Variants in CPEB3 observed in about 807,000 individuals in gnomAD.
The protein encoded by CPEB3 is cytoplasmic polyadenylation element-binding protein 3.
CPEB3 carries 20 observed loss-of-function variants against 67.2 expected under a neutral mutation model. The ratio of observed to expected loss-of-function variants is 0.30; its 90% CI spans 0.21 to 0.43. The LOEUF is 0.43. Among genes scored for constraint, CPEB3 ranks in the 20% least tolerant of loss-of-function variants. The probability of loss-of-function intolerance (pLI) is 1.00; values close to 1 mark genes in which losing one functional copy is unlikely to be tolerated. For missense variants in CPEB3, 746 were observed against 968.6 expected, an observed-to-expected ratio of 0.77 and a Z score of 3.05; for synonymous variants, 376 against 393.1, an observed-to-expected ratio of 0.96 and a Z score of 0.51.
intron 6 of CPEB3, chr10:92,118,676 C>T: frequency 2.9e-6 from 2 of 678,688 alleles, no homozygotes; most frequent in Non-Finnish European, 5.5e-6. Flanking sequence ...CTTGCTGAGA[C>T]ATGTTGGTCG....
chr10:92,279,284 C>T (rs1013838917), intron 1 of CPEB3, among the ~76,000 whole-genome samples: 1 of 152,190 alleles, frequency 6.6e-6, no homozygotes, highest in African/African-American at 2.4e-5. Context: ...GATCAGTGAA[C>T]ACCCTGGCTT....
At chr10:92,120,098 C>CAAGCA (rs1845271733) in intron 6 of CPEB3, among the ~76,000 whole-genome samples, 8 of 45,246 alleles carry the variant, frequency 1.8e-4, no homozygotes, top group African/African-American at 2.6e-4. Flanking sequence ...ACTAAAAATA[C>CAAGCA]AAAAAAAAAA....
rs911999133 is a variant in CPEB3 at position 92,050,169 on chromosome 10, T to G, written c.*2043A>C. 4.0e-5 allele frequency: 6 copies of G among 149,664 alleles called. No homozygotes were observed. Among genetic ancestry groups the G allele is most frequent in the African/African-American group, 1.5e-4 (6 of 40,548 alleles). 9.3% of individuals were successfully genotyped at this position (149,664 alleles called of 1,614,324 possible). ...ACAGATGAAAAAAAACCCACAAACATAGAAAAAAACAAACAAAACCACACC... is the reference window on the plus strand; with the variant it reads ...ACAGATGAAAAAAAACCCACAAACAGAGAAAAAAACAAACAAAACCACACC... On this transcript the variant is annotated 3_prime_UTR_variant, in exon 10 of 10. Coordinates refer to ENST00000265997, the MANE Select transcript of CPEB3 (RefSeq NM_014912.5).
intron 9 of CPEB3, among the ~76,000 whole-genome samples, chr10:92,058,359 A>G (rs61875184): frequency 0.092 from 14,034 of 152,176 alleles, 907 homozygotes; most frequent in Non-Finnish European, 0.13. Flanking sequence ...TAGCCTGGCC[A>G]ACATGGCAAA....
At chr10:92,138,541 T>G (rs1025425561) in intron 6 of CPEB3, among the ~76,000 whole-genome samples, 6 of 148,806 alleles carry the variant, frequency 4.0e-5, no homozygotes, top group Non-Finnish European at 5.9e-5. Flanking sequence ...GTGAAAGATC[T>G]GAATAGGCAT....
At chr10:92,082,642 G>C (rs904521887) in intron 8 of CPEB3, among the ~76,000 whole-genome samples, 3 of 152,090 alleles carry the variant, frequency 2.0e-5, no homozygotes, top group Non-Finnish European at 4.4e-5. Context: ...AAAACATGTA[G>C]CACTTACCTG....
intron 1 of CPEB3, among the ~76,000 whole-genome samples, chr10:92,265,846 C>G (rs1322322636): frequency 6.6e-6 from 1 of 150,720 alleles, no homozygotes; most frequent in Non-Finnish European, 1.5e-5. Flanking sequence ...TTGTGTCCTC[C>G]AAAAGTCATT....
chr10:92,165,905 A>G lies in CPEB3; in HGVS notation c.1222+15058T>C, dbSNP rs554842598. On this transcript the variant is annotated intron_variant, in intron 4 of 9. Coordinates refer to ENST00000265997, the MANE Select transcript of CPEB3 (RefSeq NM_014912.5). ...GTGACTTTCTCTACTGACGTTTTGA[A>G]CCCCTCAAAGTTGTCCATGAGGAAT... is the stretch of plus-strand genomic sequence containing the variant. Among the ~76,000 whole-genome samples, 7 of 152,130 alleles carry G rather than the reference A, an allele frequency of 4.6e-5. No individual in the cohort carries two copies. In the East Asian group the frequency reaches 7.7e-4, roughly 17 times the overall value.
chr10:92,152,644 T>C (rs1404804920), intron 4 of CPEB3, among the ~76,000 whole-genome samples: 1 of 152,178 alleles, frequency 6.6e-6, no homozygotes, highest in Non-Finnish European at 1.5e-5. Context: ...GATATATTGG[T>C]GTTCATTAAA....
intron 2 of CPEB3, among the ~76,000 whole-genome samples, chr10:92,220,101 G>A (rs1250588259): frequency 1.3e-5 from 2 of 152,102 alleles, no homozygotes; most frequent in East Asian, 3.9e-4. Context: ...GTTGCGGTGA[G>A]CGGAGATTGG....
rs1362051715 is a variant in CPEB3, at chr10:92,051,965, C to T, written c.*247G>A. The T allele has an allele frequency of 2.5e-6, 1 of 404,644 alleles. No homozygotes were observed. The highest frequency in any genetic ancestry group is 4.4e-6 in the Non-Finnish European group (1 of 225,998). 25.1% of individuals were successfully genotyped at this position (404,644 alleles called of 1,614,324 possible). A position where few individuals can be genotyped will look rare whatever the true frequency, so the allele number is the denominator to read the frequency against. On this transcript the variant is annotated 3_prime_UTR_variant, in exon 10 of 10. Coordinates refer to ENST00000265997, the MANE Select transcript of CPEB3 (RefSeq NM_014912.5). ...AGGTATAAAAAATTAAGGTACCAAG[C>T]AGACAAAGGTGTGAATCAAAGTGCA...
At chr10:92,282,413 G>C (rs1260876145) in intron 1 of CPEB3, among the ~76,000 whole-genome samples, 6 of 152,220 alleles carry the variant, frequency 3.9e-5, no homozygotes, top group Non-Finnish European at 8.8e-5. Flanking sequence ...CTGTAGGCCA[G>C]GTGCAGTGGC....
intron 2 of CPEB3, among the ~76,000 whole-genome samples, chr10:92,197,604 T>C (rs1849303173): frequency 6.6e-6 from 1 of 152,176 alleles, no homozygotes; most frequent in Non-Finnish European, 1.5e-5. Context: ...TATTGACTCT[T>C]TTTCTTTGAA....
chr10:92,264,427 G>A lies in CPEB3; in HGVS notation c.-11-24066C>T, dbSNP rs569210993. On this transcript the variant is annotated intron_variant, in intron 1 of 9. Coordinates refer to ENST00000265997, the MANE Select transcript of CPEB3 (RefSeq NM_014912.5). ...TCTATTTTTATTCCAAGGCTTAACT[G>A]TTATCCCTCACCAACTGCCACACCC... Among the ~76,000 whole-genome samples the A allele has an allele frequency of 5.8e-4, 88 of 152,194 alleles. No homozygotes were observed. In the Middle Eastern group the frequency reaches 0.01, roughly 18 times the overall value.
chr10:92,229,331 G>A (rs948498553), intron 2 of CPEB3, among the ~76,000 whole-genome samples: 1 of 152,090 alleles, frequency 6.6e-6, no homozygotes, highest in Non-Finnish European at 1.5e-5. Flanking sequence ...GCCACACCCA[G>A]CCTTCTCCTT....
intron 5 of CPEB3, 79 bp from the exon 6 acceptor site, chr10:92,143,197 T>C (rs1846522032): frequency 9.3e-7 from 1 of 1,076,194 alleles, no homozygotes; most frequent in Non-Finnish European, 1.4e-6. Context: ...AAAACATGTC[T>C]TTTTAGTTTA....
At chr10:92,090,196 TA>T (rs1843555489) in intron 8 of CPEB3, among the ~76,000 whole-genome samples, 1 of 152,200 alleles carries the variant, frequency 6.6e-6, no homozygotes, top group Admixed American at 6.5e-5. Flanking sequence ...TTTTTCAGAA[TA>T]TTTTTTCAGA....
intron 1 of CPEB3, among the ~76,000 whole-genome samples, chr10:92,245,444 A>G (rs1852019798): frequency 6.6e-6 from 1 of 152,018 alleles, no homozygotes; most frequent in African/African-American, 2.4e-5. Context: ...CCAAGAATCT[A>G]TTTTTTGACC....
intron 2 of CPEB3, among the ~76,000 whole-genome samples, chr10:92,203,397 T>C (rs1040606295): frequency 6.8e-6 from 1 of 147,558 alleles, no homozygotes; most frequent in Non-Finnish European, 1.5e-5. Flanking sequence ...TGTATATATA[T>C]ACGTATATAT....
Sources: allele counts gnomAD v4.1 joint callset (sites outside exome capture counted in the v4.1 genomes callset), GRCh38; gene constraint gnomAD v4.1.1; transcripts MANE v1.5; gene names NCBI Gene and HGNC (gene_info 2026-07-23, HGNC 2026-07-21).